The following FOCAD variants were observed in gnomAD, a reference collection of about 807,000 sequenced individuals.
FOCAD encodes the protein focadhesin.
A neutral mutation model predicts 225.6 loss-of-function variants in FOCAD; 198 were observed. That is an observed-to-expected ratio of 0.88 (90% CI 0.78 to 0.99). FOCAD has a LOEUF of 0.99. Among genes scored for constraint, FOCAD ranks in the 50% least tolerant of loss-of-function variants. FOCAD has a pLI of 0.00. For missense variants in FOCAD, 2,713 were observed against 2,123.6 expected (o/e 1.28, Z -5.46); for synonymous variants, 897 against 755.0 (o/e 1.19, Z -3.08).
chr9:20,847,083 A>C (rs562634365), intron 15 of FOCAD, among the ~76,000 whole-genome samples: 108 of 152,208 alleles, frequency 7.1e-4, no homozygotes, highest in African/African-American at 2.5e-3. Flanking sequence ...TAAAATTTAT[A>C]TATAATACAG....
At chr9:20,931,757 G>A (rs994578727) in intron 27 of FOCAD, among the ~76,000 whole-genome samples, 50 of 152,156 alleles carry the variant, frequency 3.3e-4, no homozygotes, top group African/African-American at 1.2e-3. Flanking sequence ...GACCAGCCAG[G>A]CATGGTGGCA....
At chr9:20,946,421 A>G (rs1448150822) in intron 29 of FOCAD, among the ~76,000 whole-genome samples, 1 of 152,202 alleles carries the variant, frequency 6.6e-6, no homozygotes, top group Non-Finnish European at 1.5e-5. Context: ...TTATGAGTCT[A>G]AAGACCTGGG....
intron 11 of FOCAD, among the ~76,000 whole-genome samples, chr9:20,804,134 G>A (rs1479446388): frequency 6.6e-6 from 1 of 151,960 alleles, no homozygotes; most frequent in African/African-American, 2.4e-5. Context: ...AATTTTTTTT[G>A]TGTGTTCCTG....
rs748522976 is a variant in FOCAD at position 20,953,038 on chromosome 9, G to A, written c.4105G>A (p.Gly1369Ser). 2.5e-6 allele frequency: 4 copies of A among 1,613,282 alleles called. No individual in the cohort carries two copies. Among genetic ancestry groups the A allele is most frequent in the South Asian group, 1.1e-5 (1 of 91,016 alleles). Residue 1369 changes from glycine (G) to serine (S), a missense_variant, in exon 35 of 44, where the codon GGC (glycine) becomes AGC (serine). Gly to Ser is a moderately conservative substitution (Grantham distance 56, BLOSUM62 0). Transcript: ENST00000338382. ...AAGCAGTTTTATTGGAGCAGCTATT[G>A]GCTTCTTCATTACAGGAGGAAAAAA... ...PESSFIGAAI[G>S]FFITGGKKGP...
intron 15 of FOCAD, among the ~76,000 whole-genome samples, chr9:20,833,190 C>T (rs542355168): frequency 2.6e-5 from 4 of 151,972 alleles, no homozygotes; most frequent in Non-Finnish European, 4.4e-5. Flanking sequence ...TAATAGTCAT[C>T]CTAAAGGGTG....
At chr9:20,949,018 A>G (rs1837447866) in intron 32 of FOCAD, 90 bp downstream of exon 32, 1 of 1,210,790 alleles carries the variant, frequency 8.3e-7, no homozygotes, top group African/African-American at 1.5e-5. Flanking sequence ...TATGCTAAGA[A>G]CAGAAGGATT....
In FOCAD at chr9:20,920,386, A is replaced by G. The variant is rs1287253138; in HGVS notation, c.2853-3274A>G. ...GGTGGGACTGTAAACTAGTTCAACC[A>G]TTGTGGAAGTCAGTGTGGCGATTCC... On this transcript the variant is annotated intron_variant, in intron 24 of 43. Transcript: ENST00000338382. Among the ~76,000 whole-genome samples the G allele has an allele frequency of 1.2e-4, 15 of 127,420 alleles. No individual in the cohort carries two copies. In the East Asian group the frequency reaches 2.5e-3, roughly 21 times the overall value. 83.6% of individuals were successfully genotyped at this position (127,420 alleles called of 152,430 possible).
chr9:20,696,525 C>T (rs1300861458), intron 1 of FOCAD, among the ~76,000 whole-genome samples: 9 of 152,114 alleles, frequency 5.9e-5, no homozygotes, highest in East Asian at 3.9e-4. Context: ...TGCCATTGGC[C>T]AGGTGCTGTG....
At chr9:20,852,076 C>A (rs535948525) in intron 15 of FOCAD, among the ~76,000 whole-genome samples, 4 of 151,782 alleles carry the variant, frequency 2.6e-5, no homozygotes, top group Non-Finnish European at 5.9e-5. Flanking sequence ...GAGATGAGTG[C>A]TTTTTTATGC....
intron 29 of FOCAD, among the ~76,000 whole-genome samples, chr9:20,945,563 C>G (rs904808424): frequency 1.1e-4 from 17 of 152,212 alleles, no homozygotes; most frequent in African/African-American, 4.1e-4. Flanking sequence ...TTTCTTTGGG[C>G]ACAGAGGAAT....
chr9:20,861,269 A>G (rs1488508443), intron 15 of FOCAD, among the ~76,000 whole-genome samples: 1 of 152,044 alleles, frequency 6.6e-6, no homozygotes, highest in Non-Finnish European at 1.5e-5. Flanking sequence ...GATCATCTTT[A>G]TATTTTGTTG....
intron 1 of FOCAD, among the ~76,000 whole-genome samples, chr9:20,712,730 C>CTTTTTTT (rs71334550): frequency 1.8e-4 from 17 of 93,320 alleles, no homozygotes; most frequent in East Asian, 7.0e-4. Context: ...CTCCTATATT[C>CTTTTTTT]TTTTTTTTTT....
chr9:20,945,319 T>G (rs1837068867), intron 29 of FOCAD, among the ~76,000 whole-genome samples: 1 of 152,216 alleles, frequency 6.6e-6, no homozygotes, highest in Non-Finnish European at 1.5e-5. Flanking sequence ...GATGGAACAT[T>G]TCAGGCATGT....
chr9:20,983,430 G>A (rs989564395), intron 39 of FOCAD, among the ~76,000 whole-genome samples: 1 of 151,992 alleles, frequency 6.6e-6, no homozygotes, highest in Non-Finnish European at 1.5e-5. Flanking sequence ...AAATTAGCTG[G>A]GCGTAGTGGC....
upstream of FOCAD, among the ~76,000 whole-genome samples, chr9:20,681,122 C>T (rs953567600): frequency 6.6e-6 from 1 of 152,142 alleles, no homozygotes; most frequent in Non-Finnish European, 1.5e-5. Context: ...TTTTAGTTCC[C>T]TTCTGTGTAA....
chr9:20,761,360 G>T (rs985857703), intron 6 of FOCAD, among the ~76,000 whole-genome samples: 1 of 152,058 alleles, frequency 6.6e-6, no homozygotes, highest in African/African-American at 2.4e-5. Flanking sequence ...AACATTAAAC[G>T]ACTTACTGAA....
At position 20,818,053 on chromosome 9, in the gene FOCAD, T is replaced by C. The variant is rs116268116; in HGVS notation, c.1456-1743T>C. 2.9e-3 allele frequency among the ~76,000 whole-genome samples: 439 copies of C among 152,304 alleles called. 4 individuals carry two copies. The highest frequency in any genetic ancestry group is 0.017 in the Middle Eastern group (5 of 294). ...TCACATATTCGGCAACACTTGTTAT[T>C]GTCCATCTTTTGATGATAGCTTTTG... is the stretch of plus-strand genomic sequence containing the variant. On this transcript the variant is annotated intron_variant, in intron 11 of 43. Transcript: ENST00000338382.
At position 20,699,136 on chromosome 9, in the gene FOCAD, C is replaced by G. The variant is rs1823629272; in HGVS notation, c.-33+14843C>G. On this transcript the variant is annotated intron_variant, in intron 1 of 43. Coordinates refer to ENST00000338382, the MANE Select transcript of FOCAD (RefSeq NM_001375567.1). ...TGTGGTTCTGGGAATCATACTGGTT[C>G]TACCTTATTTGTGTGGCTTGTTCCT... 1.3e-5 allele frequency among the ~76,000 whole-genome samples: 2 copies of G among 152,160 alleles called. 1 individual carries two copies. Among genetic ancestry groups the G allele is most frequent in the South Asian group, 4.1e-4 (2 of 4,826 alleles).
chr9:20,765,439 GAA>G (rs1003908083), intron 7 of FOCAD, among the ~76,000 whole-genome samples: 2 of 143,388 alleles, frequency 1.4e-5, no homozygotes, highest in Admixed American at 1.4e-4. Context: ...GTGCACATTG[GAA>G]AAAAAAAAAA....
Sources: gnomAD v4.1 joint callset for allele counts (sites outside exome capture counted in the v4.1 genomes callset) on GRCh38, gnomAD v4.1.1 for gene constraint, MANE v1.5 for transcripts, NCBI Gene and HGNC (gene_info 2026-07-23, HGNC 2026-07-21) for gene names.